COPS2: variants seen among roughly 807,000 people sequenced by gnomAD.
COPS2 encodes COP9 signalosome subunit 2, also known as COP9 signalosome complex subunit 2.
In COPS2, 10 loss-of-function variants were observed where a neutral mutation model predicts 66.1. The ratio of observed to expected loss-of-function variants is 0.15; its 90% CI spans 0.09 to 0.26. The LOEUF (loss-of-function observed/expected upper bound fraction) is 0.26, where lower values mean the gene tolerates loss of function less well. Ranked by LOEUF, COPS2 falls within the 10% of genes least tolerant of loss-of-function variation. The probability of loss-of-function intolerance (pLI) is 1.00; values close to 1 mark genes in which losing one functional copy is unlikely to be tolerated. For synonymous variants in COPS2, 179 were observed against 171.3 expected, an observed-to-expected ratio of 1.04 and a Z score of -0.35; for missense variants, 215 against 513.3, an observed-to-expected ratio of 0.42 and a Z score of 5.62.
intron 1 of COPS2, among the ~76,000 whole-genome samples, chr15:49,155,311 C>T (rs1260743505): frequency 6.6e-6 from 1 of 152,234 alleles, no homozygotes; most frequent in African/African-American, 2.4e-5. Context: ...CCGGGGCCCC[C>T]TTCGCTGCCT....
Position 49,125,898 on chromosome 15 carries a change from A to C in COPS2, c.*2052T>G, listed in dbSNP as rs1334895315. On this transcript the variant is annotated 3_prime_UTR_variant, in exon 13 of 13. Coordinates refer to ENST00000388901, the MANE Select transcript of COPS2 (RefSeq NM_004236.4). ...GTACAAAGCAAAGATAGCACAGGAGAACTGGGCACTGTAAGAATTGGAGGA... is the reference window on the plus strand; with the variant it reads ...GTACAAAGCAAAGATAGCACAGGAGCACTGGGCACTGTAAGAATTGGAGGA... 2 of 152,124 alleles carry C rather than the reference A, an allele frequency of 1.3e-5. No homozygotes were observed. The highest frequency in any genetic ancestry group is 2.9e-5 in the Non-Finnish European group (2 of 67,946). 9.4% of individuals were successfully genotyped at this position (152,124 alleles called of 1,614,324 possible).
At position 49,130,782 on chromosome 15, in the gene COPS2, T is replaced by C; in HGVS notation, c.982A>G (p.Lys328Glu). Residue 328 changes from lysine to glutamate, a missense_variant, in exon 10 of 13, where the codon AAG (lysine) becomes GAG (glutamate). Coordinates refer to ENST00000388901, the MANE Select transcript of COPS2 (RefSeq NM_004236.4). ...YQNNDITEFEKILKTNHSNIM... is the reference protein window; with the variant it reads ...YQNNDITEFEEILKTNHSNIM... ...TTGCTGTGATTTGTTTTTAGAATCT[T>C]TTCAAATTCAGTGATGTCATTATTC... 6.2e-7 allele frequency: 1 copy of C among 1,601,528 alleles called. No individual in the cohort carries two copies. Among genetic ancestry groups the C allele is most frequent in the Non-Finnish European group, 8.5e-7 (1 of 1,169,770 alleles).
intron 1 of COPS2, among the ~76,000 whole-genome samples, chr15:49,150,009 T>G (rs1329908076): frequency 6.6e-6 from 1 of 152,086 alleles, no homozygotes; most frequent in Admixed American, 6.6e-5. Context: ...ACAAAAAAAC[T>G]GTCTGCTGGG....
chr15:49,139,452 C>T, intron 4 of COPS2, 76 bp downstream of exon 4: 2 of 1,172,772 alleles, frequency 1.7e-6, no homozygotes, highest in Admixed American at 2.2e-5. Context: ...TAGGCCTTTC[C>T]ATCTATAAAG....
chr15:49,139,733 A>C (rs1263220313), intron 3 of COPS2, 80 bp from the exon 4 acceptor site: 16 of 1,010,480 alleles, frequency 1.6e-5, no homozygotes, highest in Non-Finnish European at 2.3e-5. Flanking sequence ...TATAGAATAC[A>C]CTACTACATA....
Position 49,139,671 on chromosome 15 carries a change from T to C in COPS2, c.247-18A>G, listed in dbSNP as rs1285648822. 10 of 1,569,862 alleles carry C rather than the reference T, an allele frequency of 6.4e-6. No homozygotes were observed. Among genetic ancestry groups the C allele is most frequent in the Non-Finnish European group, 8.6e-6 (10 of 1,156,168 alleles). The stretch of plus-strand genomic sequence containing the variant: ...AAGTTTGTCTGTGAGAAAAGAAAAA[T>C]GAATTATCAGATGCAAATTTAGGTA... On this transcript the variant is annotated intron_variant, in intron 3 of 12. Coordinates refer to ENST00000388901, the MANE Select transcript of COPS2 (RefSeq NM_004236.4).
chr15:49,131,733 G>A (rs1345233558), intron 9 of COPS2, among the ~76,000 whole-genome samples: 1 of 151,982 alleles, frequency 6.6e-6, no homozygotes, highest in Non-Finnish European at 1.5e-5. Context: ...ATATACTATA[G>A]GAGGACATAT....
chr15:49,138,394 T>C (rs907850243), intron 4 of COPS2, among the ~76,000 whole-genome samples: 4 of 152,192 alleles, frequency 2.6e-5, no homozygotes, highest in African/African-American at 9.6e-5. Context: ...CCAATATCTG[T>C]TGTTACTTTC....
intron 1 of COPS2, among the ~76,000 whole-genome samples, chr15:49,153,982 G>A (rs749841298): frequency 1.3e-5 from 2 of 152,126 alleles, no homozygotes; most frequent in Non-Finnish European, 2.9e-5. Flanking sequence ...GCGGAGCAGG[G>A]TGACTATGGT....
At chr15:49,132,350 AACGCTTTTTTTT>A (rs1404887233) in intron 9 of COPS2, among the ~76,000 whole-genome samples, 1 of 151,930 alleles carries the variant, frequency 6.6e-6, no homozygotes, top group Non-Finnish European at 1.5e-5. Context: ...CCTAAAAAAA[AACGCTTTTTTTT>A]TTACAGCCAA....
At chr15:49,152,844 T>C (rs2084372279) in intron 1 of COPS2, among the ~76,000 whole-genome samples, 1 of 152,058 alleles carries the variant, frequency 6.6e-6, no homozygotes, top group African/African-American at 2.4e-5. Context: ...TTAAAGCAAT[T>C]ATATATTCAA....
chr15:49,140,649 A>G (rs984415023), intron 3 of COPS2, among the ~76,000 whole-genome samples: 15 of 152,190 alleles, frequency 9.9e-5, no homozygotes, highest in African/African-American at 3.4e-4. Flanking sequence ...ATTCCTAAGT[A>G]TATCCTGTAA....
intron 1 of COPS2, among the ~76,000 whole-genome samples, chr15:49,149,097 C>A (rs372298570): frequency 1.3e-5 from 2 of 152,084 alleles, no homozygotes; most frequent in African/African-American, 4.8e-5. Context: ...TAATCAAGCA[C>A]TTGTTTTACA....
At position 49,127,153 on chromosome 15, in the gene COPS2, G is replaced by T. The variant is rs1020555284; in HGVS notation, c.*797C>A. ...AAGCATCACTGTCATAACTATGCAC[G>T]TGTTTTGTTAGAAAGTAGTTCTCCT... On this transcript the variant is annotated 3_prime_UTR_variant, in exon 13 of 13. Transcript: ENST00000388901. 2 of 152,082 alleles carry T rather than the reference G, an allele frequency of 1.3e-5. No homozygotes were observed. Among genetic ancestry groups the T allele is most frequent in the African/African-American group, 4.8e-5 (2 of 41,408 alleles). 9.4% of individuals were successfully genotyped at this position (152,082 alleles called of 1,614,324 possible). A position where few individuals can be genotyped will look rare whatever the true frequency, so the allele number is the denominator to read the frequency against.
chr15:49,135,290 A>C (rs3105866), intron 6 of COPS2, among the ~76,000 whole-genome samples: 89,318 of 151,960 alleles, frequency 0.59, 26,410 homozygotes, highest in Middle Eastern at 0.67. Context: ...TTGTCTTCCC[A>C]AAATCTTCAC....
rs1595825933 is a variant in COPS2 at position 49,148,159 on chromosome 15, TCTA to T, written c.55-3084_55-3082del. Among the ~76,000 whole-genome samples, 3 of 152,316 alleles carry T rather than the reference TCTA, an allele frequency of 2.0e-5. No homozygotes were observed. In the East Asian group the frequency reaches 5.8e-4, roughly 29 times the overall value. On this transcript the variant is annotated intron_variant, in intron 1 of 12. Transcript: ENST00000388901. ...AGAACAATTCTATTGTTTAGGTGCTTCTACTATTTATACTCAAAAATCATGATC... is the reference window on the plus strand; with the variant it reads ...AGAACAATTCTATTGTTTAGGTGCTTCTATTTATACTCAAAAATCATGATC...
chr15:49,148,865 A>G (rs2084339288), intron 1 of COPS2, among the ~76,000 whole-genome samples: 1 of 152,254 alleles, frequency 6.6e-6, no homozygotes, highest in Non-Finnish European at 1.5e-5. Context: ...AAAGTTATCC[A>G]TAATGACTAT....
intron 1 of COPS2, among the ~76,000 whole-genome samples, chr15:49,146,247 T>C (rs2084320569): frequency 6.6e-6 from 1 of 152,136 alleles, no homozygotes; most frequent in Non-Finnish European, 1.5e-5. Flanking sequence ...TCTGTCAGTC[T>C]TACAGATTTA....
At chr15:49,151,344 G>C (rs1231415512) in intron 1 of COPS2, among the ~76,000 whole-genome samples, 1 of 149,828 alleles carries the variant, frequency 6.7e-6, no homozygotes, top group Non-Finnish European at 1.5e-5. Flanking sequence ...AGGTTGCAGT[G>C]AGCCGAGATC....
Sources: allele counts gnomAD v4.1 joint callset (sites outside exome capture counted in the v4.1 genomes callset), GRCh38; gene constraint gnomAD v4.1.1; transcripts MANE v1.5; gene names NCBI Gene and HGNC (gene_info 2026-07-23, HGNC 2026-07-21).